Variants in HTR1F observed in about 807,000 individuals in gnomAD.
HTR1F encodes the protein 5-hydroxytryptamine receptor 1F.
In HTR1F, 17 loss-of-function variants were observed where a neutral mutation model predicts 24.0. The observed-to-expected ratio is 0.71, with a 90% CI of 0.48 to 1.06. The LOEUF (loss-of-function observed/expected upper bound fraction) is 1.06. Ranked by LOEUF, HTR1F falls within the 50% of genes least tolerant of loss-of-function variation. HTR1F has a pLI of 0.00. For missense variants in HTR1F, 391 were observed against 427.8 expected (o/e 0.91, Z 0.76); for synonymous variants, 186 against 156.8 (o/e 1.19, Z -1.39).
rs1705168291 is a variant in HTR1F at position 87,855,010 on chromosome 3, G to A, written c.-43+32886G>A. ...ATTAGAGCATCTTTCCTAGTTGTGT[G>A]TTCTCTGTCTCTCTCTCATTGTTAT... On this transcript the variant is annotated intron_variant, in intron 2 of 2. Transcript: ENST00000319595. Among the ~76,000 whole-genome samples the A allele has an allele frequency of 2.6e-5, 4 of 152,060 alleles. No homozygotes were observed. The Middle Eastern group carries it at 0.01, about 388-fold the overall frequency.
chr3:87,812,741 G>C lies in HTR1F; in HGVS notation c.-159-9267G>C, dbSNP rs555901483. On this transcript the variant is annotated intron_variant, in intron 1 of 2. Coordinates refer to ENST00000319595, the MANE Select transcript of HTR1F (RefSeq NM_001322209.2). Reference sequence around the variant, plus strand: ...AATGGTTTCTTGGGCCTGGCCAAGGGCCACTCTGCTCTTTGCAGACTCAGG... The same window carrying C: ...AATGGTTTCTTGGGCCTGGCCAAGGCCCACTCTGCTCTTTGCAGACTCAGG... Among the ~76,000 whole-genome samples, 5 of 152,320 alleles carry C rather than the reference G, an allele frequency of 3.3e-5. No homozygotes were observed. The South Asian group carries it at 1.0e-3, about 32-fold the overall frequency.
chr3:87,903,259 G>T (rs1310375119), intron 2 of HTR1F, among the ~76,000 whole-genome samples: 5 of 149,044 alleles, frequency 3.4e-5, no homozygotes, highest in Non-Finnish European at 7.5e-5. Flanking sequence ...GGCAACAAAA[G>T]CCAAAATTGA....
Position 87,991,768 on chromosome 3 carries a change from C to G in HTR1F, c.1019C>G (p.Ser340Cys). 6.2e-7 allele frequency: 1 copy of G among 1,612,826 alleles called. No individual in the cohort carries two copies. The highest frequency in any genetic ancestry group is 1.1e-5 in the South Asian group (1 of 90,874). Residue 340 changes from serine to cysteine, a missense_variant, in exon 3 of 3, where the codon TCC (serine) becomes TGC (cysteine). Ser to Cys is a moderately radical substitution (Grantham distance 112). Transcript: ENST00000319595. ...TTGGCATGGCTTGGGTATCTCAATT[C>G]CCTTATAAATCCACTGATTTACACA... The part of the protein sequence containing the change: ...NFLAWLGYLN[S>C]LINPLIYTIF...
intron 2 of HTR1F, among the ~76,000 whole-genome samples, chr3:87,868,884 T>C (rs1309900041): frequency 1.3e-5 from 2 of 151,996 alleles, no homozygotes; most frequent in African/African-American, 2.4e-5. Flanking sequence ...CATTATGCAG[T>C]CTTGACTTTT....
chr3:87,927,143 T>C (rs1704144866), intron 2 of HTR1F, among the ~76,000 whole-genome samples: 1 of 152,046 alleles, frequency 6.6e-6, no homozygotes, highest in South Asian at 2.1e-4. Context: ...ACTAGTACCA[T>C]GGTTATATGC....
intron 2 of HTR1F, among the ~76,000 whole-genome samples, chr3:87,852,685 CA>C (rs1559606111): frequency 6.6e-6 from 1 of 151,700 alleles, no homozygotes; most frequent in East Asian, 1.9e-4. Flanking sequence ...TTTTCTGCTA[CA>C]GCTGTATGAT....
At chr3:87,856,658 T>C (rs1705205753) in intron 2 of HTR1F, among the ~76,000 whole-genome samples, 1 of 152,132 alleles carries the variant, frequency 6.6e-6, no homozygotes, top group Non-Finnish European at 1.5e-5. Flanking sequence ...AACCTTCAGT[T>C]AGTCACTAAT....
intron 1 of HTR1F, among the ~76,000 whole-genome samples, chr3:87,807,377 G>C (rs1331920790): frequency 6.6e-6 from 1 of 151,176 alleles, no homozygotes; most frequent in Non-Finnish European, 1.5e-5. Flanking sequence ...TTTTATTTTT[G>C]TAGCTATTGT....
chr3:87,853,478 C>T (rs188715772), intron 2 of HTR1F, among the ~76,000 whole-genome samples: 7 of 152,166 alleles, frequency 4.6e-5, no homozygotes, highest in Admixed American at 4.6e-4. Flanking sequence ...CATTGATTGG[C>T]ATTTAGGTTG....
At chr3:87,889,259 A>G (rs939223243) in intron 2 of HTR1F, among the ~76,000 whole-genome samples, 22 of 152,154 alleles carry the variant, frequency 1.4e-4, no homozygotes, top group African/African-American at 5.3e-4. Context: ...TCTTATTTAT[A>G]AATTACCCAG....
intron 2 of HTR1F, among the ~76,000 whole-genome samples, chr3:87,887,722 CTCA>C (rs1036901421): frequency 6.6e-6 from 1 of 152,120 alleles, no homozygotes; most frequent in Non-Finnish European, 1.5e-5. Context: ...CATGAAATTG[CTCA>C]TCATCACTGG....
intron 2 of HTR1F, among the ~76,000 whole-genome samples, chr3:87,869,305 C>G (rs1345784613): frequency 6.6e-6 from 1 of 151,828 alleles, no homozygotes; most frequent in Non-Finnish European, 1.5e-5. Flanking sequence ...TTTGAAAGCT[C>G]TCCATACCAC....
At chr3:87,805,818 T>C (rs1704064446) in intron 1 of HTR1F, among the ~76,000 whole-genome samples, 1 of 152,124 alleles carries the variant, frequency 6.6e-6, no homozygotes, top group Admixed American at 6.6e-5. Flanking sequence ...GAAAAGAAAA[T>C]GAAATATGCA....
intron 2 of HTR1F, among the ~76,000 whole-genome samples, chr3:87,898,166 A>C (rs949031385): frequency 2.6e-5 from 4 of 152,158 alleles, no homozygotes; most frequent in Non-Finnish European, 5.9e-5. Context: ...AAGATGGGCT[A>C]AAAATAATAA....
chr3:87,830,678 C>G (rs1207097960), intron 2 of HTR1F, among the ~76,000 whole-genome samples: 1 of 152,028 alleles, frequency 6.6e-6, no homozygotes, highest in Non-Finnish European at 1.5e-5. Context: ...CTCACTGAAT[C>G]TTTATATTTT....
At chr3:87,916,429 C>T (rs765395791) in intron 2 of HTR1F, among the ~76,000 whole-genome samples, 1 of 150,922 alleles carries the variant, frequency 6.6e-6, no homozygotes, top group Non-Finnish European at 1.5e-5. Context: ...TTAAAAGATA[C>T]AGAACTTCAG....
intron 2 of HTR1F, among the ~76,000 whole-genome samples, chr3:87,944,206 T>C (rs528263505): frequency 6.6e-6 from 1 of 152,316 alleles, no homozygotes; most frequent in East Asian, 1.9e-4. Flanking sequence ...GGGTGAGTCC[T>C]AGAGCTGGAC....
intron 2 of HTR1F, among the ~76,000 whole-genome samples, chr3:87,888,683 C>T (rs2107300226): frequency 1.3e-5 from 2 of 152,218 alleles, no homozygotes; most frequent in South Asian, 4.1e-4. Flanking sequence ...GCTCTGCAAT[C>T]TCTTTCTTCT....
At chr3:87,888,452 G>C (rs1706007744) in intron 2 of HTR1F, among the ~76,000 whole-genome samples, 1 of 151,714 alleles carries the variant, frequency 6.6e-6, no homozygotes, top group Non-Finnish European at 1.5e-5. Flanking sequence ...ATGTACCCTA[G>C]AACTTAAAGT....
Sources: gnomAD v4.1 joint callset for allele counts (sites outside exome capture counted in the v4.1 genomes callset) on GRCh38, gnomAD v4.1.1 for gene constraint, MANE v1.5 for transcripts, NCBI Gene and HGNC (gene_info 2026-07-23, HGNC 2026-07-21) for gene names.